CADM2: variants seen among roughly 807,000 people sequenced by gnomAD.
The protein encoded by CADM2 is cell adhesion molecule 2, also known as immunoglobulin superfamily member 4D.
CADM2 carries 12 observed loss-of-function variants against 49.8 expected under a neutral mutation model. The ratio of observed to expected loss-of-function variants is 0.24; its 90% CI spans 0.15 to 0.39. CADM2 has a LOEUF of 0.39. Among genes scored for constraint, CADM2 ranks in the 10% least tolerant of loss-of-function variants. The pLI is 1.00. For synonymous variants in CADM2, 214 were observed against 175.4 expected (o/e 1.22, Z -1.74); for missense variants, 378 against 492.3 (o/e 0.77, Z 2.20).
chr3:85,977,199 C>T (rs1350320137), intron 8 of CADM2, among the ~76,000 whole-genome samples: 1 of 150,936 alleles, frequency 6.6e-6, no homozygotes, highest in Non-Finnish European at 1.5e-5. Flanking sequence ...AACCAAAATC[C>T]TGTGATTTGT....
chr3:85,200,312 T>C (rs192133889), intron 1 of CADM2, among the ~76,000 whole-genome samples: 1 of 152,070 alleles, frequency 6.6e-6, no homozygotes, highest in Admixed American at 6.6e-5. Context: ...GCCATTAAGG[T>C]ACTGTTTCTG....
intron 3 of CADM2, among the ~76,000 whole-genome samples, chr3:85,831,874 TG>T (rs1457778094): frequency 6.6e-6 from 1 of 151,456 alleles, no homozygotes; most frequent in Non-Finnish European, 1.5e-5. Context: ...CAATTGGTTT[TG>T]GGAAGTTATA....
intron 1 of CADM2, among the ~76,000 whole-genome samples, chr3:85,688,842 A>G (rs2066294343): frequency 6.6e-6 from 1 of 152,170 alleles, no homozygotes; most frequent in East Asian, 1.9e-4. Flanking sequence ...TGCCAGGATT[A>G]CAGGCATAAG....
chr3:85,061,448 T>C (rs1357684598), intron 1 of CADM2, among the ~76,000 whole-genome samples: 3 of 152,110 alleles, frequency 2.0e-5, no homozygotes, highest in African/African-American at 7.2e-5. Context: ...AAGGATATAG[T>C]TTTACGTAAC....
intron 3 of CADM2, among the ~76,000 whole-genome samples, chr3:85,858,249 G>A (rs2075388924): frequency 6.6e-6 from 1 of 152,164 alleles, no homozygotes; most frequent in Admixed American, 6.6e-5. Context: ...TATCACATTT[G>A]ATGAAACATG....
intron 1 of CADM2, among the ~76,000 whole-genome samples, chr3:85,390,752 T>C (rs1284495698): frequency 6.6e-6 from 1 of 152,070 alleles, no homozygotes; most frequent in Non-Finnish European, 1.5e-5. Context: ...ACTCCCTCTT[T>C]TTCTCAAGTC....
intron 1 of CADM2, among the ~76,000 whole-genome samples, chr3:84,979,706 G>T (rs946108470): frequency 1.3e-5 from 2 of 151,684 alleles, no homozygotes; most frequent in African/African-American, 4.8e-5. Context: ...AAAAAAAAAG[G>T]TGTTCTTCAA....
At chr3:85,459,390 T>C (rs1361266546) in intron 1 of CADM2, among the ~76,000 whole-genome samples, 2 of 152,146 alleles carry the variant, frequency 1.3e-5, no homozygotes. Flanking sequence ...TCTACCCGAA[T>C]AAGAGACTAG....
chr3:85,514,046 CT>C (rs1678318758), intron 1 of CADM2, among the ~76,000 whole-genome samples: 2 of 152,046 alleles, frequency 1.3e-5, no homozygotes, highest in African/African-American at 4.8e-5. Flanking sequence ...TGGACAAACT[CT>C]TTGAATCACT....
At chr3:85,949,313 C>T (rs1723110607) in intron 7 of CADM2, among the ~76,000 whole-genome samples, 1 of 151,228 alleles carries the variant, frequency 6.6e-6, no homozygotes, top group Non-Finnish European at 1.5e-5. Flanking sequence ...TATGTGTTTA[C>T]ATAGTATGTA....
chr3:85,888,861 A>G (rs910390487), intron 5 of CADM2, among the ~76,000 whole-genome samples: 9 of 152,150 alleles, frequency 5.9e-5, no homozygotes, highest in African/African-American at 2.2e-4. Context: ...AATCCACCTT[A>G]TCTGGCACTA....
At chr3:85,866,276 A>G (rs983807242) in intron 3 of CADM2, among the ~76,000 whole-genome samples, 3 of 152,206 alleles carry the variant, frequency 2.0e-5, no homozygotes, top group African/African-American at 7.2e-5. Context: ...GTGCATGCTG[A>G]AATGCTATTA....
At chr3:85,784,845 C>G (rs1228885971) in intron 2 of CADM2, among the ~76,000 whole-genome samples, 1 of 152,018 alleles carries the variant, frequency 6.6e-6, no homozygotes, top group Non-Finnish European at 1.5e-5. Context: ...TTTTTTGAAA[C>G]AGTTTAAATA....
At chr3:85,809,940 T>G (rs1577364137) in intron 3 of CADM2, among the ~76,000 whole-genome samples, 1 of 151,886 alleles carries the variant, frequency 6.6e-6, no homozygotes, top group Non-Finnish European at 1.5e-5. Context: ...GTAAATTTCC[T>G]AGCAAGTGCA....
At chr3:86,020,615 AG>A (rs1733019004) in intron 8 of CADM2, among the ~76,000 whole-genome samples, 2 of 151,996 alleles carry the variant, frequency 1.3e-5, no homozygotes, top group Admixed American at 6.6e-5. Flanking sequence ...CGAATCCAGC[AG>A]CACATCAAAA....
chr3:85,187,617 T>C (rs1022282126), intron 1 of CADM2, among the ~76,000 whole-genome samples: 6 of 152,142 alleles, frequency 3.9e-5, no homozygotes, highest in African/African-American at 1.2e-4. Flanking sequence ...AAATTGCAAT[T>C]GGCAATTCTA....
intron 1 of CADM2, among the ~76,000 whole-genome samples, chr3:85,455,246 G>A (rs929373257): frequency 6.6e-6 from 1 of 152,148 alleles, no homozygotes; most frequent in African/African-American, 2.4e-5. Context: ...AATTCTCTTT[G>A]AATTCATAAG....
chr3:85,962,564 C>G (rs1724968869), intron 8 of CADM2, among the ~76,000 whole-genome samples: 1 of 151,848 alleles, frequency 6.6e-6, no homozygotes, highest in Non-Finnish European at 1.5e-5. Context: ...CTTTCAAATG[C>G]CACAATGGGT....
chr3:86,005,221 G>A (rs1559795392), intron 8 of CADM2, among the ~76,000 whole-genome samples: 2 of 152,084 alleles, frequency 1.3e-5, no homozygotes, highest in East Asian at 3.9e-4. Flanking sequence ...AAAAAATCAT[G>A]TAATCTCCAG....
Sources: gnomAD v4.1 joint callset for allele counts (sites outside exome capture counted in the v4.1 genomes callset) on GRCh38, gnomAD v4.1.1 for gene constraint, MANE v1.5 for transcripts, NCBI Gene and HGNC (gene_info 2026-07-23, HGNC 2026-07-21) for gene names.